Variants in EFCAB13 observed in about 807,000 individuals in gnomAD.
EFCAB13 encodes EF-hand calcium binding domain 13, also known as EF-hand calcium-binding domain-containing protein 13.
In EFCAB13, 91 loss-of-function variants were observed where a neutral mutation model predicts 110.2. The ratio of observed to expected loss-of-function variants is 0.83; its 90% CI spans 0.70 to 0.98. The LOEUF is 0.98. EFCAB13 is among the 50% of genes least tolerant of loss of function. EFCAB13 has a pLI of 0.00. For missense variants in EFCAB13, 968 were observed against 1,119.4 expected (o/e 0.86, Z 1.93); for synonymous variants, 323 against 369.9 (o/e 0.87, Z 1.45).
intron 10 of EFCAB13, among the ~76,000 whole-genome samples, chr17:47,365,858 G>A (rs1041822507): frequency 6.6e-6 from 1 of 152,084 alleles, no homozygotes; most frequent in African/African-American, 2.4e-5. Flanking sequence ...GAGCACAAGT[G>A]ACTCAGGAAT....
At chr17:47,436,337 C>A (rs907424842) in intron 24 of EFCAB13, among the ~76,000 whole-genome samples, 5 of 152,068 alleles carry the variant, frequency 3.3e-5, no homozygotes, top group Non-Finnish European at 7.4e-5. Context: ...GGAATAGCGT[C>A]AAAAGGGTTG....
At chr17:47,343,337 C>T (rs1351701964) in intron 6 of EFCAB13, among the ~76,000 whole-genome samples, 2 of 151,258 alleles carry the variant, frequency 1.3e-5, no homozygotes, top group Admixed American at 1.3e-4. Context: ...ATTTGAGTTC[C>T]AAACTCATGT....
At chr17:47,389,337 C>T (rs1040942856) in intron 14 of EFCAB13, among the ~76,000 whole-genome samples, 3 of 152,156 alleles carry the variant, frequency 2.0e-5, no homozygotes, top group South Asian at 2.1e-4. Context: ...TACTCCCAAG[C>T]GTATAGCTCT....
rs1385581228 is a variant in EFCAB13 at position 47,374,541 on chromosome 17, A to G, written c.947A>G (p.Tyr316Cys). The G allele has an allele frequency of 1.3e-6, 2 of 1,584,546 alleles. No homozygotes were observed. The highest frequency in any genetic ancestry group is 8.5e-7 in the Non-Finnish European group (1 of 1,171,328). ...AAGTTATCAAGTGTAGCAGGATGCTATCTAAAATATAAGAAGAAAAATAGT... is the reference window on the plus strand; with the variant it reads ...AAGTTATCAAGTGTAGCAGGATGCTGTCTAAAATATAAGAAGAAAAATAGT... ...DRKLSSVAGCYLKYKKKNSLS... is the reference protein window; with the variant it reads ...DRKLSSVAGCCLKYKKKNSLS... Residue 316 changes from tyrosine (Y) to cysteine (C), a missense_variant, in exon 12 of 25, where the codon TAT (tyrosine) becomes TGT (cysteine). Coordinates refer to ENST00000331493, the MANE Select transcript of EFCAB13 (RefSeq NM_152347.5).
rs1005895348 is a variant in EFCAB13, at chr17:47,328,209, A to G, written c.-85-60A>G. ...TGAAGAGATAACTTCAGGTAGGTAAATATAATTGCTTAAGTGTTCTAAACA... is the reference window on the plus strand; with the variant it reads ...TGAAGAGATAACTTCAGGTAGGTAAGTATAATTGCTTAAGTGTTCTAAACA... On this transcript the variant is annotated intron_variant, in intron 3 of 24. Coordinates refer to ENST00000331493, the MANE Select transcript of EFCAB13 (RefSeq NM_152347.5). 56 of 769,146 alleles carry G rather than the reference A, an allele frequency of 7.3e-5. No individual in the cohort carries two copies. In the Middle Eastern group the frequency reaches 9.5e-4, roughly 13 times the overall value. The allele number at this position is 769,146 out of a possible 1,614,324, so 47.6% of individuals were successfully genotyped here. A position where few individuals can be genotyped will look rare whatever the true frequency, so the allele number is the denominator to read the frequency against.
chr17:47,413,693 C>A (rs1368371665), intron 22 of EFCAB13, among the ~76,000 whole-genome samples: 1 of 152,140 alleles, frequency 6.6e-6, no homozygotes, highest in African/African-American at 2.4e-5. Flanking sequence ...TTCACACCCA[C>A]ATGAGATGCA....
chr17:47,370,171 A>G (rs1409821717), intron 10 of EFCAB13, among the ~76,000 whole-genome samples: 1 of 152,234 alleles, frequency 6.6e-6, no homozygotes, highest in East Asian at 1.9e-4. Context: ...ATGAAAAAAT[A>G]TCCTGATTAG....
chr17:47,374,656 C>A lies in EFCAB13; in HGVS notation c.1062C>A (p.Asp354Glu). The change falls in exon 12 of 25, where the codon GAC becomes GAA. Residue 354 changes from aspartate (D) to glutamate (E), a missense_variant. Transcript: ENST00000331493. ...QYYSKIMEND[D>E]LESKRPKNTW... ...ATAGCAAAATTATGGAGAATGATGA[C>A]CTTGAATCTAAAAGACCAAAAAATA... is the stretch of plus-strand genomic sequence containing the variant. 1 of 1,609,598 alleles carries A rather than the reference C, an allele frequency of 6.2e-7. No homozygotes were observed. The highest frequency in any genetic ancestry group is 8.5e-7 in the Non-Finnish European group (1 of 1,178,884).
At chr17:47,331,764 AT>A (rs1290896397) in intron 4 of EFCAB13, among the ~76,000 whole-genome samples, 6 of 151,948 alleles carry the variant, frequency 3.9e-5, no homozygotes, top group Non-Finnish European at 8.8e-5. Context: ...GCAAACACTG[AT>A]TTTTTACTGT....
At chr17:47,386,227 C>T (rs886069224) in intron 14 of EFCAB13, among the ~76,000 whole-genome samples, 4 of 152,290 alleles carry the variant, frequency 2.6e-5, no homozygotes, top group African/African-American at 7.2e-5. Flanking sequence ...GTTTAAAGTC[C>T]GCTGAAGTTG....
chr17:47,397,725 G>A (rs1306357671), intron 17 of EFCAB13, among the ~76,000 whole-genome samples: 2 of 151,776 alleles, frequency 1.3e-5, no homozygotes, highest in Non-Finnish European at 2.9e-5. Flanking sequence ...GAGGTGAGGA[G>A]CGTCTCTGCC....
At chr17:47,345,456 C>A (rs1030141242) in intron 8 of EFCAB13, among the ~76,000 whole-genome samples, 2 of 152,028 alleles carry the variant, frequency 1.3e-5, no homozygotes, top group Non-Finnish European at 2.9e-5. Context: ...CTTATACTAC[C>A]CTTCACTCCT....
At chr17:47,428,953 A>C (rs1905049164) in intron 23 of EFCAB13, among the ~76,000 whole-genome samples, 1 of 152,120 alleles carries the variant, frequency 6.6e-6, no homozygotes, top group Admixed American at 6.5e-5. Context: ...ATTTCAGATA[A>C]AAAAATTTTG....
rs17855599 is a variant in EFCAB13, at chr17:47,395,881, A to G, written c.1849A>G (p.Met617Val). 1.9e-6 allele frequency: 3 copies of G among 1,610,614 alleles called. No homozygotes were observed. The highest frequency in any genetic ancestry group is 1.7e-6 in the Non-Finnish European group (2 of 1,177,696). Reference sequence around the variant, plus strand: ...CCTCGACGATCTCAGAAAGGAGACGATGAGTGTTTCTGACCTGTGGAATAC... The same window carrying G: ...CCTCGACGATCTCAGAAAGGAGACGGTGAGTGTTTCTGACCTGTGGAATAC... ...ETLDDLRKET[M>V]SVSDLWNTLS... Residue 617 changes from methionine to valine, a missense_variant, in exon 17 of 25, where the codon ATG (methionine) becomes GTG (valine). Physicochemically the swap from Met to Val is conservative, Grantham distance 21. Coordinates refer to ENST00000331493, the MANE Select transcript of EFCAB13 (RefSeq NM_152347.5).
intron 6 of EFCAB13, among the ~76,000 whole-genome samples, chr17:47,343,485 A>G (rs1460569110): frequency 1.3e-5 from 2 of 151,990 alleles, no homozygotes; most frequent in Non-Finnish European, 2.9e-5. Flanking sequence ...TGCTGAAAAC[A>G]TTGTCTTTTG....
intron 23 of EFCAB13, among the ~76,000 whole-genome samples, chr17:47,419,979 G>A (rs894711211): frequency 1.3e-5 from 2 of 150,822 alleles, no homozygotes; most frequent in Non-Finnish European, 3.0e-5. Context: ...CTCTTTCCAC[G>A]GTCTCCCTCT....
chr17:47,392,514 C>T (rs1435756036), intron 15 of EFCAB13, among the ~76,000 whole-genome samples: 2 of 151,864 alleles, frequency 1.3e-5, no homozygotes, highest in African/African-American at 2.4e-5. Context: ...CTTATAAAGC[C>T]GTAGTGACTA....
intron 23 of EFCAB13, 59 bp from the exon 24 acceptor site, chr17:47,429,759 C>G: frequency 1.3e-6 from 2 of 1,501,170 alleles, no homozygotes; most frequent in African/African-American, 1.4e-5. Context: ...TAAGTGATAA[C>G]TAATAACATA....
Position 47,384,340 on chromosome 17 carries a change from C to A in EFCAB13, c.1582+5087C>A, listed in dbSNP as rs116915707. 4.3e-3 allele frequency among the ~76,000 whole-genome samples: 654 copies of A among 151,856 alleles called. 19 individuals carry two copies. The East Asian group carries it at 0.066, about 15-fold the overall frequency. On this transcript the variant is annotated intron_variant, in intron 14 of 24. Transcript: ENST00000331493. ...GGTTAATATTGTTCTATGTTAATTT[C>A]ATCCTGTCATCATGATGCTAGCTGG...
Sources: allele counts gnomAD v4.1 joint callset (sites outside exome capture counted in the v4.1 genomes callset), GRCh38; gene constraint gnomAD v4.1.1; transcripts MANE v1.5; gene names NCBI Gene and HGNC (gene_info 2026-07-23, HGNC 2026-07-21).